Variants in ZNF629 observed in about 807,000 individuals in gnomAD.
ZNF629 encodes zinc finger protein 629.
ZNF629 carries 9 observed loss-of-function variants against 59.7 expected under a neutral mutation model. The ratio of observed to expected loss-of-function variants is 0.15; its 90% CI spans 0.09 to 0.26. The LOEUF (loss-of-function observed/expected upper bound fraction) is 0.26, where lower values mean the gene tolerates loss of function less well. Among genes scored for constraint, ZNF629 ranks in the 10% least tolerant of loss-of-function variants. ZNF629 has a pLI of 1.00. For missense variants in ZNF629, 853 were observed against 1,165.4 expected, an observed-to-expected ratio of 0.73 and a Z score of 3.90; for synonymous variants, 509 against 498.9, an observed-to-expected ratio of 1.02 and a Z score of -0.27.
intron 2 of ZNF629, 69 bp from the exon 3 acceptor site, chr16:30,784,323 C>T (rs1596780438): frequency 6.5e-7 from 1 of 1,549,102 alleles, no homozygotes; most frequent in East Asian, 2.4e-5. Context: ...TCTCTTCCCT[C>T]CCCCGGGTGT....
rs2054287385 is a variant in ZNF629 at position 30,782,144 on chromosome 16, C to T, written c.2184G>A (p.Glu728=). ...CATGGACTTTCTGGTGCAGCAGCAG[C>T]TCAGAGCTGAGGCCAAAGCTTTGTT... ...ECKQSFGLSS[E]LLLHQKVHAG... The change falls in exon 3 of 3, where the codon GAG becomes GAA. Residue 728 remains glutamate, a synonymous_variant. Transcript: ENST00000262525. The T allele has an allele frequency of 6.2e-7, 1 of 1,613,080 alleles. No individual in the cohort carries two copies. Among genetic ancestry groups the T allele is most frequent in the Non-Finnish European group, 8.5e-7 (1 of 1,179,746 alleles).
chr16:30,783,569 C>T lies in ZNF629; in HGVS notation c.759G>A (p.Gln253=). ...FTQSTNLIKH[Q]RSHTGEKPYK... is the part of the protein sequence containing the mutation. ...AGGGCTTCTCGCCGGTGTGGGATCGCTGGTGCTTGATGAGGTTGGTGCTCT... is the reference window on the plus strand; with the variant it reads ...AGGGCTTCTCGCCGGTGTGGGATCGTTGGTGCTTGATGAGGTTGGTGCTCT... The change falls in exon 3 of 3, where the codon CAG becomes CAA. Residue 253 remains glutamine (Q), a synonymous_variant. Transcript: ENST00000262525. 1 of 1,613,954 alleles carries T rather than the reference C, an allele frequency of 6.2e-7. No homozygotes were observed.
At position 30,782,954 on chromosome 16, in the gene ZNF629, G is replaced by A; in HGVS notation, c.1374C>T (p.Tyr458=). The change falls in exon 3 of 3, where the codon TAC becomes TAT. Residue 458 remains tyrosine (Y), a synonymous_variant. Transcript: ENST00000262525. ...AGCTCTTGCCGCAGTCGGAACACTT[G>A]TAGGGCTTCTCACCGGTGTGGATGC... ...HQRIHTGEKP[Y]KCSDCGKSFI... The A allele has an allele frequency of 6.2e-7, 1 of 1,614,040 alleles. No homozygotes were observed.
rs576196317 is a variant in ZNF629 at position 30,779,407 on chromosome 16, G to A, written c.*2311C>T. ...TCAGTTTCTGCTACCATCTTGGGGA[G>A]GGGGACATCTCCTTAGACTTGGCAG... On this transcript the variant is annotated 3_prime_UTR_variant, in exon 3 of 3. Coordinates refer to ENST00000262525, the MANE Select transcript of ZNF629 (RefSeq NM_001080417.3). 1 of 152,386 alleles carries A rather than the reference G, an allele frequency of 6.6e-6. No homozygotes were observed. Among genetic ancestry groups the A allele is most frequent in the African/African-American group, 2.4e-5 (1 of 41,568 alleles). 9.4% of individuals were successfully genotyped at this position (152,386 alleles called of 1,614,324 possible). A position where few individuals can be genotyped will look rare whatever the true frequency, so the allele number is the denominator to read the frequency against.
chr16:30,784,454 G>A lies in ZNF629; in HGVS notation c.29C>T (p.Pro10Leu), dbSNP rs1197141582. The change falls in exon 2 of 3, where the codon CCG becomes CTG. Residue 10 changes from proline (P) to leucine (L), a missense_variant. This residue lies in a region of ZNF629 where 232 missense variants were observed against 193.4 expected (regional missense o/e 1.20). Coordinates refer to ENST00000262525, the MANE Select transcript of ZNF629 (RefSeq NM_001080417.3). MEPETALWG[P>L]DLQGPEQSPN... Reference sequence around the variant, plus strand: ...GCTCTGTTCCGGACCCTGCAGATCCGGGCCCCACAGCGCAGTCTCGGGCTC... The same window carrying A: ...GCTCTGTTCCGGACCCTGCAGATCCAGGCCCCACAGCGCAGTCTCGGGCTC... The A allele has an allele frequency of 6.4e-7, 1 of 1,561,056 alleles. No individual in the cohort carries two copies.
At position 30,782,842 on chromosome 16, in the gene ZNF629, T is replaced by G; in HGVS notation, c.1486A>C (p.Ser496Arg). 6.2e-7 allele frequency: 1 copy of G among 1,614,168 alleles called. No individual in the cohort carries two copies. Among genetic ancestry groups the G allele is most frequent in the East Asian group, 2.2e-5 (1 of 44,876 alleles). The change falls in exon 3 of 3, where the codon AGC becomes CGC. Residue 496 changes from serine to arginine, a missense_variant. By Grantham distance (110) the Ser-to-Arg change is moderately radical. This residue lies in a region of ZNF629 where 201 missense variants were observed against 536.5 expected (regional missense o/e 0.37). Transcript: ENST00000262525. ...TGGGTAATAAGGTTGGAGCTCTGGC[T>G]GAAGCTCTTGCCGCACTCGGGGCAC... ...YKCPECGKSF[S>R]QSSNLITHVR...
In ZNF629 at chr16:30,781,123, C is replaced by T. The variant is rs2054276875; in HGVS notation, c.*595G>A. On this transcript the variant is annotated 3_prime_UTR_variant, in exon 3 of 3. Coordinates refer to ENST00000262525, the MANE Select transcript of ZNF629 (RefSeq NM_001080417.3). ...CTTATCTCCTCTGGGGGCTCCAGAG[C>T]TCCTGGTCACTTATTTTTCTCCTAT... is the stretch of plus-strand genomic sequence containing the variant. 6.6e-6 allele frequency: 1 copy of T among 152,188 alleles called. No individual in the cohort carries two copies. Among genetic ancestry groups the T allele is most frequent in the Non-Finnish European group, 1.5e-5 (1 of 68,086 alleles). The allele number at this position is 152,188 out of a possible 1,614,324, so 9.4% of individuals were successfully genotyped here.
Position 30,783,483 on chromosome 16 carries a change from G to A in ZNF629, c.845C>T (p.Ala282Val), listed in dbSNP as rs756836545. 3.1e-6 allele frequency: 5 copies of A among 1,612,726 alleles called. No individual in the cohort carries two copies. Among genetic ancestry groups the A allele is most frequent in the African/African-American group, 1.3e-5 (1 of 74,400 alleles). ...GTAGGGTTTCTCGCCTGTGTGGGTG[G>A]CCTGGTGCTGGATGAGGTCCGAGCT... ...YRSSDLIQHQ[A>V]THTGEKPYKC... Residue 282 changes from alanine to valine, a missense_variant, in exon 3 of 3, where the codon GCC (alanine) becomes GTC (valine). Ala to Val is a moderately conservative substitution (Grantham distance 64). Transcript: ENST00000262525.
rs565177471 is a variant in ZNF629, at chr16:30,783,894, C to A, written c.434G>T (p.Gly145Val). ...GTTGCAGATGTAGGGCTTCTCCGCC[C>A]CCGCCGGGCGGCCCTGCACCAGCTC... ...LRELVQGRPA[G>V]AEKPYICNEC... Residue 145 changes from glycine to valine, a missense_variant, in exon 3 of 3, where the codon GGG (glycine) becomes GTG (valine). Physicochemically the swap from Gly to Val is moderately radical, Grantham distance 109. This residue lies in a region of ZNF629 where 232 missense variants were observed against 193.4 expected (regional missense o/e 1.20). Transcript: ENST00000262525. 6.3e-7 allele frequency: 1 copy of A among 1,599,214 alleles called. No individual in the cohort carries two copies. The highest frequency in any genetic ancestry group is 1.1e-5 in the South Asian group (1 of 89,098).
Position 30,786,257 on chromosome 16 carries a change from G to A in ZNF629, c.-34+771C>T, listed in dbSNP as rs894570861. ...CCCCGCCTGTAAGTGTCTTTGGGGT[G>A]GTGGAAGCGGAGACCTCTGCCACAC... On this transcript the variant is annotated intron_variant, in intron 1 of 2. Coordinates refer to ENST00000262525, the MANE Select transcript of ZNF629 (RefSeq NM_001080417.3). The surrounding 1 kb of genome is among the most constrained non-coding windows in gnomAD (Gnocchi z 4.8). 9.2e-5 allele frequency among the ~76,000 whole-genome samples: 14 copies of A among 152,146 alleles called. No individual in the cohort carries two copies. Among genetic ancestry groups the A allele is most frequent in the African/African-American group, 3.4e-4 (14 of 41,422 alleles).
chr16:30,782,815 C>G lies in ZNF629; in HGVS notation c.1513G>C (p.Val505Leu). 1 of 1,613,912 alleles carries G rather than the reference C, an allele frequency of 6.2e-7. No homozygotes were observed. The highest frequency in any genetic ancestry group is 8.5e-7 in the Non-Finnish European group (1 of 1,179,934). The change falls in exon 3 of 3, where the codon GTC becomes CTC. Residue 505 changes from valine (V) to leucine (L), a missense_variant. By Grantham distance (32) the Val-to-Leu change is conservative (BLOSUM62 1). This residue lies in a region of ZNF629 where 201 missense variants were observed against 536.5 expected (regional missense o/e 0.37). Transcript: ENST00000262525. ...FSQSSNLITHVRTHMDENLFV... is the reference protein window; with the variant it reads ...FSQSSNLITHLRTHMDENLFV... ...AGGTTCTCGTCCATGTGCGTGCGGA[C>G]GTGGGTAATAAGGTTGGAGCTCTGG...
In ZNF629 at chr16:30,783,335, C is replaced by T. The variant is rs1264076167; in HGVS notation, c.993G>A (p.Ser331=). 4 of 1,607,218 alleles carry T rather than the reference C, an allele frequency of 2.5e-6. No homozygotes were observed. Among genetic ancestry groups the T allele is most frequent in the Non-Finnish European group, 3.4e-6 (4 of 1,177,924 alleles). The change falls in exon 3 of 3, where the codon TCG becomes TCA. Residue 331 remains serine (S), a synonymous_variant. Transcript: ENST00000262525. ...GCGTGCGCTGGTGCTGGGTCAGCTC[C>T]GAGCTCTGGATGAAGCTCTTCCCGC... ...TECGKSFIQS[S]ELTQHQRTHT...
chr16:30,784,180 C>G lies in ZNF629; in HGVS notation c.148G>C (p.Ala50Pro). 1 of 1,609,434 alleles carries G rather than the reference C, an allele frequency of 6.2e-7. No individual in the cohort carries two copies. Among genetic ancestry groups the G allele is most frequent in the Non-Finnish European group, 8.5e-7 (1 of 1,178,932 alleles). Residue 50 changes from alanine to proline, a missense_variant, in exon 3 of 3, where the codon GCT (alanine) becomes CCT (proline). By Grantham distance (27) the Ala-to-Pro change is conservative (BLOSUM62 -1). Coordinates refer to ENST00000262525, the MANE Select transcript of ZNF629 (RefSeq NM_001080417.3). ...SGEEIIMGDP[A>P]QSPESKDSTE... ...GAGTCCTTGGATTCTGGACTCTGAG[C>G]CGGGTCTCCCATGATGATCTCCTCC...
Position 30,784,464 on chromosome 16 carries a change from GCGCAGT to G in ZNF629, c.13_18del (p.Thr5_Ala6del). 6.4e-7 allele frequency: 1 copy of G among 1,555,102 alleles called. No homozygotes were observed. Among genetic ancestry groups the G allele is most frequent in the Non-Finnish European group, 8.7e-7 (1 of 1,152,148 alleles). ...GGACCCTGCAGATCCGGGCCCCACAGCGCAGTCTCGGGCTCCATCCCAGAGCTCAGG... is the reference window on the plus strand; with the variant it reads ...GGACCCTGCAGATCCGGGCCCCACAGCTCGGGCTCCATCCCAGAGCTCAGG... On this transcript the variant is annotated inframe_deletion, in exon 2 of 3. Transcript: ENST00000262525.
In ZNF629 at chr16:30,784,125, TG is replaced by T; in HGVS notation, c.202del (p.Gln68ArgfsTer32). 6.2e-7 allele frequency: 1 copy of T among 1,609,200 alleles called. No individual in the cohort carries two copies. ...GGGGTTCTGGGGGACAGAGGGGTCCTGGGAGGATCTCTCCAGGGACATCTCT... is the reference window on the plus strand; with the variant it reads ...GGGGTTCTGGGGGACAGAGGGGTCCTGGAGGATCTCTCCAGGGACATCTCT... ...STEMSLERSSQDPSVPQNPPT... is the reference protein window; with the variant it reads ...STEMSLERSSXDPSVPQNPPT... On this transcript the variant is annotated frameshift_variant, in exon 3 of 3. Transcript: ENST00000262525. LOFTEE classifies it high-confidence loss of function.
rs759822225 is a variant in ZNF629, at chr16:30,782,778, G to C, written c.1550C>G (p.Ser517Cys). The C allele has an allele frequency of 1.2e-6, 2 of 1,613,934 alleles. No homozygotes were observed. The highest frequency in any genetic ancestry group is 3.3e-5 in the Admixed American group (2 of 60,024). The change falls in exon 3 of 3, where the codon TCC (serine) becomes TGC (cysteine). Residue 517 changes from serine (S) to cysteine (C), a missense_variant. By Grantham distance (112) the Ser-to-Cys change is moderately radical (BLOSUM62 -1). Around this residue, in one of 3 missense-constraint regions of ZNF629, gnomAD observed 201 missense variants for 536.5 expected, o/e 0.37. Transcript: ENST00000262525. ...TTCCAGGAAGGCCTTCCCGCAGTCG[G>C]AGCACACGAACAGGTTCTCGTCCAT... is the stretch of plus-strand genomic sequence containing the variant. ...THMDENLFVC[S>C]DCGKAFLEAH...
Position 30,782,418 on chromosome 16 carries a change from G to A in ZNF629, c.1910C>T (p.Pro637Leu), listed in dbSNP as rs776667870. 5 of 1,566,546 alleles carry A rather than the reference G, an allele frequency of 3.2e-6. No individual in the cohort carries two copies. The highest frequency in any genetic ancestry group is 1.9e-5 in the Admixed American group (1 of 52,644). The change falls in exon 3 of 3, where the codon CCC (proline) becomes CTC (leucine). Residue 637 changes from proline (P) to leucine (L), a missense_variant. This residue lies in a region of ZNF629 where 420 missense variants were observed against 435.6 expected (regional missense o/e 0.96). Coordinates refer to ENST00000262525, the MANE Select transcript of ZNF629 (RefSeq NM_001080417.3). ...PGAAEGRAEA[P>L]GQPLKPPEGQ... ...CTCCGGCGGCTTAAGGGGCTGTCCG[G>A]GGGCCTCCGCTCTGCCCTCCGCAGC...
Position 30,782,042 on chromosome 16 carries a change from G to A in ZNF629, c.2286C>T (p.Pro762=), listed in dbSNP as rs1178835434. Residue 762 remains proline, a synonymous_variant, in exon 3 of 3, where the codon CCC becomes CCT. Transcript: ENST00000262525. ...AGCAGCGGTAGGGTCTGGCCCCCAGGGGGCTCCTGAGATGCTCCAGGAGGA... is the reference window on the plus strand; with the variant it reads ...AGCAGCGGTAGGGTCTGGCCCCCAGAGGGCTCCTGAGATGCTCCAGGAGGA... ...SSVLLEHLRS[P]LGARPYRCSD... is the part of the protein sequence containing the mutation. 1.3e-6 allele frequency: 2 copies of A among 1,572,618 alleles called. No homozygotes were observed. Among genetic ancestry groups the A allele is most frequent in the South Asian group, 1.2e-5 (1 of 85,396 alleles).
chr16:30,783,198 G>A lies in ZNF629; in HGVS notation c.1130C>T (p.Pro377Leu). Residue 377 changes from proline to leucine, a missense_variant, in exon 3 of 3, where the codon CCA becomes CTA. Around this residue, in one of 3 missense-constraint regions of ZNF629, gnomAD observed 201 missense variants for 536.5 expected, o/e 0.37. Transcript: ENST00000262525. ...THLREDPFKC[P>L]VCGKTFTLSA... ...CAGGGTGAAGGTCTTGCCGCACACT[G>A]GGCACTTGAACGGGTCCTCGCGCAG... The A allele has an allele frequency of 6.2e-7, 1 of 1,613,086 alleles. No individual in the cohort carries two copies. Among genetic ancestry groups the A allele is most frequent in the South Asian group, 1.1e-5 (1 of 91,048 alleles).
Sources: allele counts gnomAD v4.1 joint callset (sites outside exome capture counted in the v4.1 genomes callset), GRCh38; gene constraint gnomAD v4.1.1; regional missense constraint gnomAD v4.1.1; non-coding constraint Gnocchi (gnomAD v3.1); transcripts MANE v1.5; gene names NCBI Gene and HGNC (gene_info 2026-07-23, HGNC 2026-07-21).